The following JAK1 variants were observed in gnomAD, a reference collection of about 807,000 sequenced individuals.
JAK1 encodes tyrosine-protein kinase JAK1.
Under a neutral mutation model 136.6 loss-of-function variants are expected in JAK1, and 16 were observed. That is an observed-to-expected ratio of 0.12 (90% CI 0.08 to 0.18). JAK1 has a LOEUF of 0.18. JAK1 is among the 10% of genes least tolerant of loss of function. JAK1 has a pLI of 1.00. For synonymous variants in JAK1, 492 were observed against 519.5 expected, an observed-to-expected ratio of 0.95 and a Z score of 0.72; for missense variants, 859 against 1,450.1, an observed-to-expected ratio of 0.59 and a Z score of 6.62.
intron 1 of JAK1, chr1:64,918,329 C>T (rs183699491): frequency 2.0e-5 from 3 of 151,974 alleles, no homozygotes; most frequent in African/African-American, 7.3e-5. Context: ...ATTTAGAGAC[C>T]CTAAGTAGAT....
chr1:65,018,273 C>T (rs1031846443), intron 2 of JAK1, among the ~76,000 whole-genome samples: 1 of 151,824 alleles, frequency 6.6e-6, no homozygotes. Flanking sequence ...GCATCTGCCT[C>T]AGGATATTAG....
chr1:65,052,585 G>A (rs765756495), intron 1 of JAK1, among the ~76,000 whole-genome samples: 13 of 151,804 alleles, frequency 8.6e-5, no homozygotes, highest in Non-Finnish European at 1.3e-4. Flanking sequence ...AGGCCGAGGC[G>A]GGCGGATCAC....
intron 2 of JAK1, among the ~76,000 whole-genome samples, chr1:65,043,280 T>C (rs1441509732): frequency 6.6e-6 from 1 of 152,028 alleles, no homozygotes; most frequent in African/African-American, 2.4e-5. Context: ...GGAGATGGAG[T>C]CTCAGAGATA....
chr1:64,919,970 G>C (rs1645467591), intron 1 of JAK1, among the ~76,000 whole-genome samples: 1 of 152,002 alleles, frequency 6.6e-6, no homozygotes, highest in Non-Finnish European at 1.5e-5. Context: ...GCCTGGCACA[G>C]AGTAAGAACT....
intron 1 of JAK1, among the ~76,000 whole-genome samples, chr1:64,934,820 T>G (rs1645759930): frequency 6.6e-6 from 1 of 152,194 alleles, no homozygotes; most frequent in Non-Finnish European, 1.5e-5. Flanking sequence ...CACCAGACTA[T>G]CCTGGGGGCT....
intron 1 of JAK1, among the ~76,000 whole-genome samples, chr1:65,059,954 G>A (rs1569971929): frequency 1.3e-5 from 2 of 151,990 alleles, no homozygotes; most frequent in African/African-American, 4.8e-5. Context: ...TTAACTTTAC[G>A]TACTATGAAA....
chr1:64,958,830 T>A (rs1646235778), intron 1 of JAK1, among the ~76,000 whole-genome samples: 1 of 152,228 alleles, frequency 6.6e-6, no homozygotes, highest in South Asian at 2.1e-4. Flanking sequence ...TGTTGTCAGT[T>A]CTAATACCCT....
At chr1:64,889,823 C>A (rs754601840) in intron 1 of JAK1, among the ~76,000 whole-genome samples, 2 of 152,216 alleles carry the variant, frequency 1.3e-5, no homozygotes, top group Non-Finnish European at 2.9e-5. Flanking sequence ...TAAAAATAGA[C>A]TATTTTAATG....
At position 65,052,118 on chromosome 1, in the gene JAK1, ATTTTTTTTT is replaced by A. The variant is rs71056073; in HGVS notation, c.-180-7545_-180-7537del. On this transcript the variant is annotated intron_variant, in intron 1 of 25. Coordinates refer to the JAK1 transcript ENST00000671954. ...CAAGCATGCACCACCACGCCTGGCT[ATTTTTTTTT>A]TTTTTTTTTTTTTGGTAGAGACAGT... 3.6e-3 allele frequency among the ~76,000 whole-genome samples: 338 copies of A among 93,576 alleles called. 5 individuals carry two copies. Among genetic ancestry groups the A allele is most frequent in the African/African-American group, 0.014 (327 of 23,980 alleles). The allele number at this position is 93,576 out of a possible 152,430, so 61.4% of individuals were successfully genotyped here.
intron 2 of JAK1, chr1:64,973,621 C>CAAAAAA (rs1014601503): frequency 1.9e-4 from 12 of 63,464 alleles, no homozygotes; most frequent in Admixed American, 3.2e-4. Context: ...TCTCACTTTG[C>CAAAAAA]AAAAAAAAAA....
At chr1:65,064,997 C>A (rs1283756434) in intron 1 of JAK1, among the ~76,000 whole-genome samples, 1 of 152,214 alleles carries the variant, frequency 6.6e-6, no homozygotes, top group Non-Finnish European at 1.5e-5. Flanking sequence ...TCCCCCAACC[C>A]TCCCTCAAAG....
intron 2 of JAK1, among the ~76,000 whole-genome samples, chr1:65,007,888 G>A (rs543547044): frequency 8.6e-4 from 131 of 152,012 alleles, no homozygotes; most frequent in African/African-American, 3.0e-3. Context: ...TGGGGCTACA[G>A]GTGCACACCA....
At chr1:64,856,978 T>C (rs1345347113) in intron 10 of JAK1, among the ~76,000 whole-genome samples, 1 of 152,238 alleles carries the variant, frequency 6.6e-6, no homozygotes. Context: ...TAAAACTCAC[T>C]GTCTTTGAAA....
At chr1:64,940,870 TA>T (rs887762376) in intron 1 of JAK1, among the ~76,000 whole-genome samples, 1 of 152,206 alleles carries the variant, frequency 6.6e-6, no homozygotes, top group African/African-American at 2.4e-5. Context: ...TTAAAGTAGT[TA>T]AAGTTTTGGC....
chr1:65,038,259 C>T (rs1433386423), intron 2 of JAK1, among the ~76,000 whole-genome samples: 7 of 145,992 alleles, frequency 4.8e-5, no homozygotes, highest in African/African-American at 1.0e-4. Flanking sequence ...AGTACAATGG[C>T]GCGATCTCAG....
intron 2 of JAK1, among the ~76,000 whole-genome samples, chr1:65,043,377 A>C (rs1045172620): frequency 6.6e-6 from 1 of 152,092 alleles, no homozygotes; most frequent in Non-Finnish European, 1.5e-5. Flanking sequence ...AATAAAACAA[A>C]CTCAATAGAA....
intron 1 of JAK1, among the ~76,000 whole-genome samples, chr1:64,901,409 A>G (rs1306164583): frequency 5.3e-5 from 8 of 152,160 alleles, no homozygotes; most frequent in Non-Finnish European, 1.0e-4. Context: ...AGAAGCCCAC[A>G]TGCTTACTCT....
rs189207556 is a variant in JAK1, at chr1:64,947,675, A to C, written c.-78+18658T>G. On this transcript the variant is annotated intron_variant, in intron 1 of 24. Transcript: ENST00000342505. ...GAATACAGGTACCCAACAGAAAAGC[A>C]GTTTCACTGAACAACAGGTCCCTGA... 4.1e-4 allele frequency among the ~76,000 whole-genome samples: 62 copies of C among 151,974 alleles called. No homozygotes were observed. In the East Asian group the frequency reaches 0.012, roughly 29 times the overall value.
chr1:64,841,793 A>C (rs532092154), intron 17 of JAK1, among the ~76,000 whole-genome samples, 192 bp from the exon 18 acceptor site: 1 of 152,328 alleles, frequency 6.6e-6, no homozygotes, highest in South Asian at 2.1e-4. Flanking sequence ...GAATAGTCCA[A>C]ATTCAAGGAG....
Sources: gnomAD v4.1 joint callset for allele counts (sites outside exome capture counted in the v4.1 genomes callset) on GRCh38, gnomAD v4.1.1 for gene constraint, MANE v1.5 for transcripts, NCBI Gene and HGNC (gene_info 2026-07-23, HGNC 2026-07-21) for gene names.